The following IMMP2L variants were observed in gnomAD, a reference collection of about 807,000 sequenced individuals.
IMMP2L encodes the protein inner mitochondrial membrane peptidase subunit 2.
A neutral mutation model predicts 19.3 loss-of-function variants in IMMP2L; 18 were observed. That is an observed-to-expected ratio of 0.93 (90% CI 0.64 to 1.38). The LOEUF (loss-of-function observed/expected upper bound fraction) is 1.38, where lower values mean the gene tolerates loss of function less well. Among genes scored for constraint, IMMP2L ranks in the 40% most tolerant of loss-of-function variants. IMMP2L has a pLI of 0.00. For synonymous variants in IMMP2L, 76 were observed against 73.0 expected, an observed-to-expected ratio of 1.04 and a Z score of -0.21; for missense variants, 233 against 218.2, an observed-to-expected ratio of 1.07 and a Z score of -0.43.
intron 3 of IMMP2L, among the ~76,000 whole-genome samples, chr7:111,101,631 T>C (rs995595664): frequency 6.6e-6 from 1 of 151,474 alleles, no homozygotes; most frequent in African/African-American, 2.4e-5. Context: ...CTGTCTTGTA[T>C]ATTTCCTGTG....
At chr7:111,114,585 C>T (rs1011974993) in intron 3 of IMMP2L, among the ~76,000 whole-genome samples, 4 of 151,372 alleles carry the variant, frequency 2.6e-5, no homozygotes, top group African/African-American at 9.7e-5. Flanking sequence ...AAAATACAAA[C>T]ATTCGCTGGG....
At chr7:111,411,581 T>C (rs1834434716) in intron 3 of IMMP2L, 1 of 319,846 alleles carries the variant, frequency 3.1e-6, no homozygotes, top group South Asian at 3.1e-5. Context: ...ACAGGCTGAT[T>C]TAGACATCGA....
At chr7:111,280,400 T>A (rs1361627263) in intron 3 of IMMP2L, among the ~76,000 whole-genome samples, 2 of 152,146 alleles carry the variant, frequency 1.3e-5, no homozygotes, top group Non-Finnish European at 2.9e-5. Flanking sequence ...TATCCCAAGA[T>A]TGTATTTATT....
chr7:111,034,727 T>C (rs1188491358), intron 3 of IMMP2L, among the ~76,000 whole-genome samples: 4 of 152,186 alleles, frequency 2.6e-5, no homozygotes, highest in Non-Finnish European at 2.9e-5. Context: ...TTATGCTGTA[T>C]AGAACTGCAT....
chr7:110,798,972 T>C (rs1470980228), intron 5 of IMMP2L, among the ~76,000 whole-genome samples: 1 of 151,996 alleles, frequency 6.6e-6, no homozygotes, highest in East Asian at 1.9e-4. Context: ...TGACTTTTGA[T>C]AAAAACTAAA....
intron 3 of IMMP2L, among the ~76,000 whole-genome samples, chr7:111,139,481 A>G (rs1802664834): frequency 6.6e-6 from 1 of 152,186 alleles, no homozygotes; most frequent in South Asian, 2.1e-4. Context: ...AACTTCCCTG[A>G]AATAATTGAG....
intron 3 of IMMP2L, among the ~76,000 whole-genome samples, chr7:111,416,829 T>C (rs1267490226): frequency 6.6e-6 from 1 of 151,678 alleles, no homozygotes; most frequent in African/African-American, 2.4e-5. Flanking sequence ...AATTGAGAGT[T>C]TAATCCCTAA....
At chr7:110,882,387 C>T (rs1014543795) in intron 5 of IMMP2L, among the ~76,000 whole-genome samples, 1 of 148,064 alleles carries the variant, frequency 6.8e-6, no homozygotes, top group Non-Finnish European at 1.5e-5. Context: ...CTCTCTCTCT[C>T]TCTTTCTTTC....
chr7:111,438,571 T>C (rs1222039235), intron 3 of IMMP2L, among the ~76,000 whole-genome samples: 1 of 151,942 alleles, frequency 6.6e-6, no homozygotes, highest in Non-Finnish European at 1.5e-5. Flanking sequence ...AACAATCTAC[T>C]TGATATTGTC....
At chr7:111,058,689 A>T (rs1304210304) in intron 3 of IMMP2L, among the ~76,000 whole-genome samples, 1 of 152,222 alleles carries the variant, frequency 6.6e-6, no homozygotes, top group Non-Finnish European at 1.5e-5. Context: ...CAGCATATAG[A>T]AACCCAAGAA....
chr7:110,850,853 G>A (rs1462099992), intron 5 of IMMP2L, among the ~76,000 whole-genome samples: 1 of 151,776 alleles, frequency 6.6e-6, no homozygotes, highest in African/African-American at 2.4e-5. Context: ...AGACAGACTT[G>A]CTATTCATAA....
intron 3 of IMMP2L, among the ~76,000 whole-genome samples, chr7:111,230,929 C>G (rs1471554840): frequency 6.6e-6 from 1 of 151,686 alleles, no homozygotes; most frequent in Admixed American, 6.6e-5. Flanking sequence ...GAATTGATAA[C>G]TAATGAATGG....
intron 3 of IMMP2L, among the ~76,000 whole-genome samples, chr7:111,112,117 T>G (rs954887597): frequency 6.6e-5 from 10 of 151,538 alleles, no homozygotes; most frequent in Admixed American, 3.9e-4. Flanking sequence ...CCGGCTAATT[T>G]TTGTATTTTT....
intron 5 of IMMP2L, among the ~76,000 whole-genome samples, chr7:110,767,139 A>G (rs1385789012): frequency 6.6e-6 from 1 of 152,144 alleles, no homozygotes; most frequent in Admixed American, 6.6e-5. Flanking sequence ...TCAGTCTGTC[A>G]TATAATTTAT....
chr7:111,048,260 A>AG (rs1792636753), intron 3 of IMMP2L, among the ~76,000 whole-genome samples: 4 of 149,290 alleles, frequency 2.7e-5, no homozygotes, highest in South Asian at 2.1e-4. Flanking sequence ...AAAAAAAAAA[A>AG]AAAAAGAAAA....
intron 3 of IMMP2L, among the ~76,000 whole-genome samples, chr7:111,150,320 C>T (rs995816370): frequency 6.6e-6 from 1 of 152,156 alleles, no homozygotes; most frequent in Non-Finnish European, 1.5e-5. Flanking sequence ...GGCTGTCAGT[C>T]AAGGGGGTCC....
chr7:111,065,866 T>C (rs1563207371), intron 3 of IMMP2L, among the ~76,000 whole-genome samples: 1 of 149,786 alleles, frequency 6.7e-6, no homozygotes, highest in Non-Finnish European at 1.5e-5. Flanking sequence ...ATATCTATCC[T>C]GTTAGTTCTG....
chr7:110,962,584 G>T, intron 4 of IMMP2L: 2 of 282,150 alleles, frequency 7.1e-6, no homozygotes, highest in Non-Finnish European at 1.1e-5. Flanking sequence ...GAGAATGAGA[G>T]TGAAAAACGG....
chr7:111,063,004 C>T (rs1794162215), intron 3 of IMMP2L, among the ~76,000 whole-genome samples: 1 of 152,242 alleles, frequency 6.6e-6, no homozygotes, highest in African/African-American at 2.4e-5. Flanking sequence ...GCACACTTCT[C>T]ACAGCTCCAC....
Sources: gnomAD v4.1 joint callset for allele counts (sites outside exome capture counted in the v4.1 genomes callset) on GRCh38, gnomAD v4.1.1 for gene constraint, MANE v1.5 for transcripts, NCBI Gene and HGNC (gene_info 2026-07-23, HGNC 2026-07-21) for gene names.